The following DNAH9 variants were observed in gnomAD, a reference collection of about 807,000 sequenced individuals.
DNAH9 encodes DNAH9 variant protein.
Under a neutral mutation model 471.6 loss-of-function variants are expected in DNAH9, and 345 were observed. That is an observed-to-expected ratio of 0.73 (90% CI 0.67 to 0.80). The LOEUF (loss-of-function observed/expected upper bound fraction) is 0.80. Among genes scored for constraint, DNAH9 ranks in the 30% least tolerant of loss-of-function variants. The pLI is 0.00. For missense variants in DNAH9, 5,407 were observed against 5,609.2 expected, an observed-to-expected ratio of 0.96 and a Z score of 1.15; for synonymous variants, 2,093 against 2,123.6, an observed-to-expected ratio of 0.99 and a Z score of 0.40.
In DNAH9 at chr17:11,701,133, G is replaced by A. The variant is rs1455463136; in HGVS notation, c.5037G>A (p.Trp1679Ter). 3.1e-6 allele frequency: 5 copies of A among 1,614,006 alleles called. No homozygotes were observed. Among genetic ancestry groups the A allele is most frequent in the African/African-American group, 1.3e-5 (1 of 74,914 alleles). Residue 1679 changes from tryptophan (W) to a stop codon, truncating the protein, a stop_gained, in exon 24 of 69, where the codon TGG becomes TGA. Transcript: ENST00000262442. LOFTEE classifies it high-confidence loss of function. ...PCDCSGQVEI[W>*]LNHVLGHMKA... is the part of the protein sequence containing the mutation. ...AGTTGTTCTTTCAGGTAGAAATATG[G>A]CTGAACCATGTCCTTGGTCACATGA...
intron 1 of DNAH9, among the ~76,000 whole-genome samples, chr17:11,606,611 G>A (rs1225435914): frequency 6.7e-6 from 1 of 150,012 alleles, no homozygotes; most frequent in Admixed American, 6.6e-5. Context: ...CACCACACTC[G>A]GCTAATTTTT....
intron 9 of DNAH9, 143 bp downstream of exon 9, chr17:11,636,927 C>A: frequency 1.3e-6 from 1 of 758,404 alleles, no homozygotes; most frequent in Non-Finnish European, 2.1e-6. Context: ...CTTGAAATTC[C>A]AGACCACCTT....
At chr17:11,615,176 T>C (rs1252051661) in intron 4 of DNAH9, among the ~76,000 whole-genome samples, 1 of 152,198 alleles carries the variant, frequency 6.6e-6, no homozygotes, top group South Asian at 2.1e-4. Flanking sequence ...CCATAGAAAT[T>C]GGCAGATGCT....
At chr17:11,756,498 C>T in intron 33 of DNAH9, 70 bp from the exon 34 acceptor site, 1 of 879,194 alleles carries the variant, frequency 1.1e-6, no homozygotes. Flanking sequence ...TAATAATCAG[C>T]CAAATCCCCA....
intron 10 of DNAH9, among the ~76,000 whole-genome samples, chr17:11,642,774 G>A (rs1277715141): frequency 6.6e-6 from 1 of 152,156 alleles, no homozygotes; most frequent in Non-Finnish European, 1.5e-5. Flanking sequence ...GGGGCCTGTG[G>A]GGCTTGTGGA....
chr17:11,929,776 C>G (rs1250022257), intron 62 of DNAH9, 90 bp from the exon 63 acceptor site: 27 of 1,050,690 alleles, frequency 2.6e-5, no homozygotes, highest in Non-Finnish European at 3.7e-5. Context: ...AAGACCAGTC[C>G]CCCCTCTGGC....
chr17:11,839,135 G>A (rs1268412614), intron 49 of DNAH9, among the ~76,000 whole-genome samples: 1 of 152,108 alleles, frequency 6.6e-6, no homozygotes, highest in East Asian at 1.9e-4. Context: ...AAGTTACTTG[G>A]AATGGTCTAT....
Position 11,866,427 on chromosome 17 carries a change from A to G in DNAH9, c.9934-2707A>G, listed in dbSNP as rs563586893. On this transcript the variant is annotated intron_variant, in intron 50 of 68. Coordinates refer to ENST00000262442, the MANE Select transcript of DNAH9 (RefSeq NM_001372.4). ...CCGTGTGAGGTGTCAGTCTGCCCCT[A>G]CTGGGGGGTGCCTCCCAGTTAGGCT... Among the ~76,000 whole-genome samples, 16 of 151,870 alleles carry G rather than the reference A, an allele frequency of 1.1e-4. No individual in the cohort carries two copies. In the East Asian group the frequency reaches 2.7e-3, roughly 26 times the overall value.
In DNAH9 at chr17:11,719,406, C is replaced by T; in HGVS notation, c.5625C>T (p.Gly1875=). Residue 1875 remains glycine (G), a synonymous_variant, in exon 27 of 69, where the codon GGC becomes GGT. Transcript: ENST00000262442. The part of the protein sequence containing the change: ...SGAPAGPAGT[G]KTETTKDLGR... ...CTCCCGCAGGACCTGCAGGCACAGG[C>T]AAGACCGAGACCACCAAGGACCTGG... 2 of 1,614,018 alleles carry T rather than the reference C, an allele frequency of 1.2e-6. No individual in the cohort carries two copies. The highest frequency in any genetic ancestry group is 3.3e-4 in the Middle Eastern group (2 of 6,062).
chr17:11,666,746 G>A (rs1369004056), intron 15 of DNAH9, among the ~76,000 whole-genome samples: 1 of 152,162 alleles, frequency 6.6e-6, no homozygotes, highest in East Asian at 1.9e-4. Context: ...CACAATAAAT[G>A]AGGGTAAGGC....
chr17:11,829,217 C>G (rs1970605420), intron 48 of DNAH9, among the ~76,000 whole-genome samples: 1 of 152,114 alleles, frequency 6.6e-6, no homozygotes, highest in South Asian at 2.1e-4. Flanking sequence ...CTGAAGTATA[C>G]CATCAAAATA....
At chr17:11,906,908 G>A (rs1973621108) in intron 61 of DNAH9, among the ~76,000 whole-genome samples, 1 of 152,162 alleles carries the variant, frequency 6.6e-6, no homozygotes, top group Non-Finnish European at 1.5e-5. Context: ...TAGCTTAATG[G>A]ATGCTGGGCT....
intron 45 of DNAH9, among the ~76,000 whole-genome samples, chr17:11,813,474 T>G (rs1597684004): frequency 1.3e-5 from 2 of 152,188 alleles, no homozygotes; most frequent in East Asian, 1.9e-4. Context: ...CTCCCAACTT[T>G]TTCAACTTTG....
At chr17:11,902,156 A>G (rs1973436334) in intron 59 of DNAH9, among the ~76,000 whole-genome samples, 1 of 152,254 alleles carries the variant, frequency 6.6e-6, no homozygotes, top group African/African-American at 2.4e-5. Flanking sequence ...GTAGGAGGAC[A>G]CATGACTTAC....
At position 11,623,025 on chromosome 17, in the gene DNAH9, G is replaced by A. The variant is rs139809005; in HGVS notation, c.1350+3244G>A. 3.4e-4 allele frequency among the ~76,000 whole-genome samples: 48 copies of A among 142,414 alleles called. No homozygotes were observed. Among genetic ancestry groups the A allele is most frequent in the African/African-American group, 1.2e-3 (47 of 37,890 alleles). The allele number at this position is 142,414 out of a possible 152,430, so 93.4% of individuals were successfully genotyped here. On this transcript the variant is annotated intron_variant, in intron 6 of 68. Coordinates refer to ENST00000262442, the MANE Select transcript of DNAH9 (RefSeq NM_001372.4). This position sits in a 1 kb window ranked among gnomAD's most constrained non-coding sequence, Gnocchi z 4.1. ...TTTTGCTCTTGTTGCCCAGGCTGGAGTGCAGTGGCACAATCTCGGCTCACG... is the reference window on the plus strand; with the variant it reads ...TTTTGCTCTTGTTGCCCAGGCTGGAATGCAGTGGCACAATCTCGGCTCACG...
At chr17:11,943,140 C>T (rs552509291) in intron 67 of DNAH9, among the ~76,000 whole-genome samples, 51 of 151,806 alleles carry the variant, frequency 3.4e-4, no homozygotes, top group African/African-American at 1.1e-3. Context: ...ATAATCCACC[C>T]GCCTCAGCCT....
At chr17:11,703,090 CAAAA>C (rs535913798) in intron 24 of DNAH9, among the ~76,000 whole-genome samples, 5 of 87,856 alleles carry the variant, frequency 5.7e-5, no homozygotes, top group Admixed American at 1.2e-4. Context: ...GAGACTGTCT[CAAAA>C]AAAAAAAAAA....
intron 66 of DNAH9, among the ~76,000 whole-genome samples, chr17:11,938,336 G>A (rs1252916944): frequency 6.6e-6 from 1 of 151,882 alleles, no homozygotes; most frequent in Non-Finnish European, 1.5e-5. Flanking sequence ...GTGGGCGCCT[G>A]TAATCCCAGC....
At chr17:11,719,030 T>C (rs895996496) in intron 26 of DNAH9, among the ~76,000 whole-genome samples, 1 of 151,966 alleles carries the variant, frequency 6.6e-6, no homozygotes, top group African/African-American at 2.4e-5. Flanking sequence ...CGGAGCTCTA[T>C]ATGGCTGGAC....
Sources: allele counts gnomAD v4.1 joint callset (sites outside exome capture counted in the v4.1 genomes callset), GRCh38; gene constraint gnomAD v4.1.1; non-coding constraint Gnocchi (gnomAD v3.1); transcripts MANE v1.5; gene names NCBI Gene and HGNC (gene_info 2026-07-23, HGNC 2026-07-21).